EML5: variants seen among roughly 807,000 people sequenced by gnomAD.
EML5 encodes the protein EMAP like 5.
In EML5, 120 loss-of-function variants were observed where a neutral mutation model predicts 250.0. The ratio of observed to expected loss-of-function variants is 0.48; its 90% CI spans 0.41 to 0.56. The LOEUF is 0.56. Among genes scored for constraint, EML5 ranks in the 20% least tolerant of loss-of-function variants. The probability of loss-of-function intolerance (pLI) is 0.00; values close to 1 mark genes in which losing one functional copy is unlikely to be tolerated. For synonymous variants in EML5, 771 were observed against 806.5 expected, an observed-to-expected ratio of 0.96 and a Z score of 0.75; for missense variants, 2,006 against 2,437.6, an observed-to-expected ratio of 0.82 and a Z score of 3.73.
At chr14:88,657,046 G>A (rs1004435967) in intron 27 of EML5, among the ~76,000 whole-genome samples, 1 of 152,090 alleles carries the variant, frequency 6.6e-6, no homozygotes, top group African/African-American at 2.4e-5. Flanking sequence ...AGGTAGGAGT[G>A]CAGTGGCACC....
chr14:88,721,360 C>T (rs2093587060), intron 8 of EML5, among the ~76,000 whole-genome samples: 1 of 152,198 alleles, frequency 6.6e-6, no homozygotes, highest in African/African-American at 2.4e-5. Context: ...TACTGAACCT[C>T]AAACTATATT....
At chr14:88,707,039 G>T (rs894885748) in intron 10 of EML5, among the ~76,000 whole-genome samples, 1 of 151,946 alleles carries the variant, frequency 6.6e-6, no homozygotes, top group Non-Finnish European at 1.5e-5. Context: ...TTTCAATTTG[G>T]GTTTTGTCTA....
intron 22 of EML5, 47 bp from the exon 23 acceptor site, chr14:88,664,671 C>G (rs779784500): frequency 1.3e-6 from 2 of 1,567,376 alleles, no homozygotes; most frequent in Non-Finnish European, 1.7e-6. Flanking sequence ...TTTGGAAATA[C>G]TTTTTTACAC....
At chr14:88,743,887 G>C (rs565562823) in intron 4 of EML5, 136 bp downstream of exon 4, 5 of 470,256 alleles carry the variant, frequency 1.1e-5, no homozygotes, top group Non-Finnish European at 3.7e-6. Context: ...CTGAACATAA[G>C]AACAATAAAA....
intron 7 of EML5, among the ~76,000 whole-genome samples, chr14:88,728,292 G>GA (rs2140105989): frequency 6.6e-6 from 1 of 151,952 alleles, no homozygotes; most frequent in East Asian, 1.9e-4. Context: ...GTAATCTAGA[G>GA]ATTTAAAGTA....
intron 1 of EML5, among the ~76,000 whole-genome samples, chr14:88,770,123 T>C (rs1044116000): frequency 6.6e-6 from 1 of 152,184 alleles, no homozygotes; most frequent in Non-Finnish European, 1.5e-5. Context: ...TTTTTCTCTT[T>C]TTACTTACAG....
chr14:88,657,293 G>A, intron 27 of EML5, 83 bp downstream of exon 27: 1 of 1,332,662 alleles, frequency 7.5e-7, no homozygotes, highest in African/African-American at 1.5e-5. Flanking sequence ...TACTTAGTTT[G>A]TGTAAAAAAG....
Position 88,694,356 on chromosome 14 carries a change from A to G in EML5, c.2490T>C (p.Asp830=), listed in dbSNP as rs1440776913. ...FVVKMNPYVP[D]KLITAGIKHM... ...GTTTAATTCCAGCTGTAATTAGTTT[A>G]TCAGGCACATAGGGGTTCATCTTTA... Residue 830 remains aspartate (D), a synonymous_variant, in exon 17 of 44, where the codon GAT becomes GAC. Transcript: ENST00000554922. 1.9e-6 allele frequency: 3 copies of G among 1,595,764 alleles called. No individual in the cohort carries two copies.
Position 88,616,842 on chromosome 14 carries a change from G to A in EML5, c.5680C>T (p.His1894Tyr), listed in dbSNP as rs1203413499. The A allele has an allele frequency of 1.9e-6, 3 of 1,613,796 alleles. No individual in the cohort carries two copies. The highest frequency in any genetic ancestry group is 2.2e-5 in the South Asian group (2 of 91,076). ...GDEVLGIWSRHAEKADVNCAC... is the reference protein window; with the variant it reads ...GDEVLGIWSRYAEKADVNCAC... ...CAGTTGACATCAGCTTTCTCAGCAT[G>A]TCTGGACCAGATTCCCAAAACCTCA... Residue 1894 changes from histidine (H) to tyrosine (Y), a missense_variant, in exon 42 of 44, where the codon CAT becomes TAT. By Grantham distance (83) the His-to-Tyr change is moderately conservative. Around this residue, in one of 7 missense-constraint regions of EML5, gnomAD observed 405 missense variants for 523.3 expected, o/e 0.77. Transcript: ENST00000554922.
intron 30 of EML5, among the ~76,000 whole-genome samples, chr14:88,644,136 A>C (rs1322164292): frequency 2.6e-5 from 4 of 152,170 alleles, no homozygotes; most frequent in Non-Finnish European, 5.9e-5. Context: ...GATACTGCCA[A>C]GGTGTCTGTG....
intron 21 of EML5, among the ~76,000 whole-genome samples, chr14:88,680,510 T>C (rs1180226223): frequency 6.6e-6 from 1 of 151,964 alleles, no homozygotes; most frequent in East Asian, 1.9e-4. Flanking sequence ...CCCAGTTAAA[T>C]AAATTTTCAG....
At chr14:88,703,765 G>A (rs186995093) in intron 13 of EML5, among the ~76,000 whole-genome samples, 25 of 152,264 alleles carry the variant, frequency 1.6e-4, no homozygotes, top group African/African-American at 5.5e-4. Flanking sequence ...TCCAGAACCC[G>A]TATTTTGGTG....
chr14:88,715,596 A>G (rs886790000), intron 8 of EML5, among the ~76,000 whole-genome samples: 9 of 152,294 alleles, frequency 5.9e-5, no homozygotes, highest in African/African-American at 1.9e-4. Context: ...GTAAGGAGCT[A>G]AATGTGCAAA....
chr14:88,791,716 T>C (rs1455584161), intron 1 of EML5, among the ~76,000 whole-genome samples: 2 of 152,236 alleles, frequency 1.3e-5, no homozygotes, highest in Admixed American at 6.5e-5. Flanking sequence ...CTACCTTAAA[T>C]TGCCTTCAGG....
chr14:88,738,454 G>A, intron 6 of EML5, among the ~76,000 whole-genome samples: 1 of 151,032 alleles, frequency 6.6e-6, no homozygotes, highest in Non-Finnish European at 1.5e-5. Context: ...ACAAATTTGG[G>A]TGAAGGAAAA....
intron 31 of EML5, among the ~76,000 whole-genome samples, chr14:88,640,068 T>C (rs1455196543): frequency 3.3e-5 from 5 of 152,092 alleles, no homozygotes; most frequent in African/African-American, 9.7e-5. Context: ...AGAGAAACCA[T>C]GAATACTACT....
At chr14:88,710,839 T>G (rs1251111887) in intron 10 of EML5, among the ~76,000 whole-genome samples, 4 of 152,206 alleles carry the variant, frequency 2.6e-5, no homozygotes, top group Non-Finnish European at 4.4e-5. Context: ...TTCTTAGGCT[T>G]TGGTAAAATA....
intron 17 of EML5, among the ~76,000 whole-genome samples, chr14:88,691,241 C>A (rs1456832428): frequency 1.3e-5 from 2 of 152,126 alleles, no homozygotes; most frequent in Non-Finnish European, 2.9e-5. Flanking sequence ...AGTTTCACTC[C>A]CAACCAAAAC....
intron 3 of EML5, among the ~76,000 whole-genome samples, chr14:88,744,832 G>C (rs1433152563): frequency 6.6e-6 from 1 of 151,632 alleles, no homozygotes; most frequent in African/African-American, 2.4e-5. Flanking sequence ...TTACATTTTT[G>C]GTATACTAAA....
Sources: allele counts gnomAD v4.1 joint callset (sites outside exome capture counted in the v4.1 genomes callset), GRCh38; gene constraint gnomAD v4.1.1; regional missense constraint gnomAD v4.1.1; transcripts MANE v1.5; gene names NCBI Gene and HGNC (gene_info 2026-07-23, HGNC 2026-07-21).